GHITM: variants seen among roughly 807,000 people sequenced by gnomAD.
GHITM encodes growth hormone-inducible transmembrane protein.
In GHITM, 24 loss-of-function variants were observed where a neutral mutation model predicts 38.7. That is an observed-to-expected ratio of 0.62 (90% CI 0.45 to 0.87). GHITM has a LOEUF of 0.87. Ranked by LOEUF, GHITM falls within the 40% of genes least tolerant of loss-of-function variation. The pLI, the probability that GHITM is intolerant of heterozygous loss-of-function variation, is 0.00. For missense variants in GHITM, 420 were observed against 429.8 expected (o/e 0.98, Z 0.20); for synonymous variants, 154 against 147.8 (o/e 1.04, Z -0.30).
At chr10:84,144,734 T>C in intron 4 of GHITM, 141 bp from the exon 5 acceptor site, 2 of 523,148 alleles carry the variant, frequency 3.8e-6, no homozygotes, top group East Asian at 3.1e-5. Flanking sequence ...TGCATAATTA[T>C]CATAATTATT....
intron 3 of GHITM, among the ~76,000 whole-genome samples, chr10:84,143,769 G>A (rs533036743): frequency 8.5e-5 from 13 of 152,162 alleles, no homozygotes; most frequent in African/African-American, 2.9e-4. Context: ...GGAGGTTGAA[G>A]ATTCACCAAG....
chr10:84,149,070 T>A (rs1462775770), intron 6 of GHITM, among the ~76,000 whole-genome samples: 1 of 152,236 alleles, frequency 6.6e-6, no homozygotes, highest in East Asian at 1.9e-4. Context: ...GTCTAGTATA[T>A]GCAGAGATTT....
chr10:84,144,399 A>G (rs1841537462), intron 4 of GHITM, among the ~76,000 whole-genome samples: 1 of 152,210 alleles, frequency 6.6e-6, no homozygotes, highest in Non-Finnish European at 1.5e-5. Flanking sequence ...TCTATCTCCC[A>G]GGCTGGGGTG....
At chr10:84,151,082 G>A (rs573901900) in intron 8 of GHITM, among the ~76,000 whole-genome samples, 1 of 152,196 alleles carries the variant, frequency 6.6e-6, no homozygotes, top group East Asian at 1.9e-4. Context: ...TAGCAGAGTT[G>A]TACTTCTGAG....
intron 5 of GHITM, 83 bp downstream of exon 5, chr10:84,145,099 T>C: frequency 9.3e-7 from 1 of 1,072,624 alleles, no homozygotes; most frequent in Non-Finnish European, 1.3e-6. Flanking sequence ...GGTTATTAAA[T>C]GGAAAGAATA....
At chr10:84,146,837 T>C (rs1439256286) in intron 5 of GHITM, among the ~76,000 whole-genome samples, 1 of 152,194 alleles carries the variant, frequency 6.6e-6, no homozygotes, top group Admixed American at 6.5e-5. Context: ...GTTACAGAGA[T>C]GAAGATGTAA....
Position 84,152,508 on chromosome 10 carries a change from CT to C in GHITM, c.*167del. The C allele has an allele frequency of 1.6e-5, 7 of 441,240 alleles. No individual in the cohort carries two copies. The highest frequency in any genetic ancestry group is 5.7e-5 in the South Asian group (1 of 17,482). The allele number at this position is 441,240 out of a possible 1,614,324, so 27.3% of individuals were successfully genotyped here. The stretch of plus-strand genomic sequence containing the variant: ...CGGTAATGTGATGCCTCAGGTCTGC[CT>C]TTTTTTCTGGAGAATAAATGCAGTA... On this transcript the variant is annotated 3_prime_UTR_variant, in exon 9 of 9. Transcript: ENST00000372134.
intron 5 of GHITM, among the ~76,000 whole-genome samples, chr10:84,145,948 C>T (rs1199842083): frequency 6.6e-6 from 1 of 152,066 alleles, no homozygotes; most frequent in African/African-American, 2.4e-5. Flanking sequence ...GTAATCTCAG[C>T]GTTTTAGGAG....
intron 2 of GHITM, among the ~76,000 whole-genome samples, chr10:84,142,266 A>G (rs1006028458): frequency 2.6e-5 from 4 of 152,220 alleles, no homozygotes; most frequent in African/African-American, 9.6e-5. Context: ...AGATGACAAA[A>G]TATAGCTAAT....
chr10:84,150,921 T>C (rs1841606342), intron 8 of GHITM, 41 bp downstream of exon 8: 12 of 1,351,020 alleles, frequency 8.9e-6, no homozygotes, highest in East Asian at 6.9e-5. Flanking sequence ...CTCTGTCACA[T>C]AAGGATGCTT....
intron 2 of GHITM, among the ~76,000 whole-genome samples, chr10:84,142,030 T>A (rs887482534): frequency 1.3e-5 from 2 of 152,216 alleles, no homozygotes; most frequent in Non-Finnish European, 2.9e-5. Flanking sequence ...GTTGATAATA[T>A]CTGTCAGGTT....
Position 84,148,990 on chromosome 10 carries a change from C to T in GHITM, c.592+152C>T, listed in dbSNP as rs534883933. 5 of 618,426 alleles carry T rather than the reference C, an allele frequency of 8.1e-6. No homozygotes were observed. In the African/African-American group the frequency reaches 9.2e-5, roughly 11 times the overall value. The allele number at this position is 618,426 out of a possible 1,614,324, so 38.3% of individuals were successfully genotyped here. A position where few individuals can be genotyped will look rare whatever the true frequency, so the allele number is the denominator to read the frequency against. The stretch of plus-strand genomic sequence containing the variant: ...CATTACTGGCTGCATTATTGCCAGA[C>T]CTTTGCTTTGAAAAGTTGATTTTGC... On this transcript the variant is annotated intron_variant, in intron 6 of 8. Coordinates refer to ENST00000372134, the MANE Select transcript of GHITM (RefSeq NM_014394.3).
chr10:84,144,103 C>A lies in GHITM; in HGVS notation c.338C>A (p.Ala113Asp). The change falls in exon 4 of 9, where the codon GCT (alanine) becomes GAT (aspartate). Residue 113 changes from alanine to aspartate, a missense_variant. Transcript: ENST00000372134. The part of the protein sequence containing the change: ...LSNEIGAIEK[A>D]VIWPQYVKDR... The stretch of plus-strand genomic sequence containing the variant: ...AATGAGATTGGAGCTATTGAAAAGG[C>A]TGTGTAAGTAAATTGTTTTAAGTAA... 3 of 1,595,418 alleles carry A rather than the reference C, an allele frequency of 1.9e-6. No individual in the cohort carries two copies. Among genetic ancestry groups the A allele is most frequent in the Non-Finnish European group, 2.6e-6 (3 of 1,162,920 alleles).
In GHITM at chr10:84,141,519, G is replaced by T. The variant is rs367951814; in HGVS notation, c.19G>T (p.Val7Leu). ...CACCACCATGTTGGCTGCAAGGCTG[G>T]TGTGTCTCCGGACACTACCTTCTAG... Reference protein sequence around the residue: MLAARLVCLRTLPSRVF... With the variant: MLAARLLCLRTLPSRVF... The change falls in exon 2 of 9, where the codon GTG (valine) becomes TTG (leucine). Residue 7 changes from valine to leucine, a missense_variant. Physicochemically the swap from Val to Leu is conservative, Grantham distance 32. Coordinates refer to ENST00000372134, the MANE Select transcript of GHITM (RefSeq NM_014394.3). 1.9e-6 allele frequency: 3 copies of T among 1,613,924 alleles called. No homozygotes were observed. The highest frequency in any genetic ancestry group is 1.7e-5 in the Admixed American group (1 of 60,016).
chr10:84,150,660 T>C (rs930890154), intron 7 of GHITM, 49 bp from the exon 8 acceptor site: 1 of 1,442,778 alleles, frequency 6.9e-7, no homozygotes, highest in Admixed American at 2.0e-5. Context: ...AACTCAGTTA[T>C]CGGAAATCCT....
chr10:84,144,510 T>C (rs572563105), intron 4 of GHITM, among the ~76,000 whole-genome samples: 22 of 152,204 alleles, frequency 1.4e-4, no homozygotes, highest in African/African-American at 5.3e-4. Context: ...CATGCCACCA[T>C]GCCCGGCTAT....
chr10:84,153,098 TTAAAAC>T lies in GHITM; in HGVS notation c.*753_*758del, dbSNP rs1841627479. ...TTGAATGTTACAAAAGGAAATAACT[TTAAAAC>T]TATTCTCAAGAGAAAATATTCAAAG... On this transcript the variant is annotated 3_prime_UTR_variant, in exon 9 of 9. Coordinates refer to ENST00000372134, the MANE Select transcript of GHITM (RefSeq NM_014394.3). 6.6e-6 allele frequency: 1 copy of T among 152,358 alleles called. No homozygotes were observed. The highest frequency in any genetic ancestry group is 2.1e-4 in the South Asian group (1 of 4,826). The allele number at this position is 152,358 out of a possible 1,614,324, so 9.4% of individuals were successfully genotyped here. A position where few individuals can be genotyped will look rare whatever the true frequency, so the allele number is the denominator to read the frequency against.
chr10:84,149,261 G>T (rs764377603), intron 6 of GHITM, among the ~76,000 whole-genome samples: 1 of 152,184 alleles, frequency 6.6e-6, no homozygotes, highest in Non-Finnish European at 1.5e-5. Context: ...GTTCTGTGTA[G>T]AAATTTCACC....
chr10:84,146,058 AAATT>A (rs1841553886), intron 5 of GHITM, among the ~76,000 whole-genome samples: 1 of 152,176 alleles, frequency 6.6e-6, no homozygotes, highest in Non-Finnish European at 1.5e-5. Flanking sequence ...AAAATTTTAA[AAATT>A]AAAAAAAAAT....
Sources: allele counts gnomAD v4.1 joint callset (sites outside exome capture counted in the v4.1 genomes callset), GRCh38; gene constraint gnomAD v4.1.1; transcripts MANE v1.5; gene names NCBI Gene and HGNC (gene_info 2026-07-23, HGNC 2026-07-21).